SLC7A1: variants seen among roughly 807,000 people sequenced by gnomAD.
SLC7A1 encodes the protein solute carrier family 7 member 1, also known as high affinity cationic amino acid transporter 1.
In SLC7A1, 10 loss-of-function variants were observed where a neutral mutation model predicts 53.9. That is an observed-to-expected ratio of 0.19 (90% CI 0.11 to 0.31). The LOEUF (loss-of-function observed/expected upper bound fraction) is 0.31, where lower values mean the gene tolerates loss of function less well. Ranked by LOEUF, SLC7A1 falls within the 10% of genes least tolerant of loss-of-function variation. The probability of loss-of-function intolerance (pLI) is 1.00; values close to 1 mark genes in which losing one functional copy is unlikely to be tolerated. For synonymous variants in SLC7A1, 342 were observed against 338.7 expected (o/e 1.01, Z -0.11); for missense variants, 525 against 827.2 (o/e 0.63, Z 4.48).
chr13:29,591,805 G>T (rs983824545), intron 1 of SLC7A1, among the ~76,000 whole-genome samples: 2 of 152,166 alleles, frequency 1.3e-5, no homozygotes, highest in Admixed American at 6.6e-5. Context: ...AAACCCCCAG[G>T]TTTCCTCGCG....
Position 29,567,888 on chromosome 13 carries a change from GT to G in SLC7A1, c.-114-14029del, listed in dbSNP as rs1871037277. ...CTCCTGGGCCTAAATCACTAGCTGT[GT>G]TGCTGGAACGTGCATGCCCTTGAGG... On this transcript the variant is annotated intron_variant, in intron 1 of 12. Transcript: ENST00000380752. Among the ~76,000 whole-genome samples, 4 of 152,022 alleles carry G rather than the reference GT, an allele frequency of 2.6e-5. No individual in the cohort carries two copies. The South Asian group carries it at 8.3e-4, about 32-fold the overall frequency.
intron 12 of SLC7A1, among the ~76,000 whole-genome samples, chr13:29,514,798 C>T (rs1326260570): frequency 2.0e-5 from 3 of 152,216 alleles, no homozygotes; most frequent in African/African-American, 4.8e-5. Flanking sequence ...CAAAGCCCTA[C>T]GTTCCTCTGG....
At chr13:29,574,514 C>A (rs617892) in intron 1 of SLC7A1, among the ~76,000 whole-genome samples, 131,575 of 152,234 alleles carry the variant, frequency 0.86, 57,873 homozygotes, top group Middle Eastern at 0.96. Flanking sequence ...CTGTGGAACA[C>A]ATGAATACAT....
intron 5 of SLC7A1, among the ~76,000 whole-genome samples, chr13:29,527,462 G>A (rs1593545111): frequency 6.6e-6 from 1 of 151,668 alleles, no homozygotes; most frequent in African/African-American, 2.4e-5. Context: ...CCAAAACGTA[G>A]AGATATTTAC....
chr13:29,537,716 C>T (rs1424888841), intron 2 of SLC7A1, among the ~76,000 whole-genome samples: 1 of 152,212 alleles, frequency 6.6e-6, no homozygotes, highest in Admixed American at 6.5e-5. Flanking sequence ...TTTTAAAAAT[C>T]TAAGACAAAA....
In SLC7A1 at chr13:29,553,567, T is replaced by C. The variant is rs576117018; in HGVS notation, c.-15+194A>G. On this transcript the variant is annotated intron_variant, in intron 2 of 12. Transcript: ENST00000380752. ...ACAAGCTTGTTTTCTGCTGGGTCAATGGGTCTGGACAGGTAGCCACATGAG... is the reference window on the plus strand; with the variant it reads ...ACAAGCTTGTTTTCTGCTGGGTCAACGGGTCTGGACAGGTAGCCACATGAG... Among the ~76,000 whole-genome samples the C allele has an allele frequency of 1.7e-4, 26 of 152,268 alleles. No individual in the cohort carries two copies. In the South Asian group the frequency reaches 4.6e-3, roughly 27 times the overall value.
At chr13:29,524,083 T>C in intron 6 of SLC7A1, 49 bp downstream of exon 6, 1 of 1,598,742 alleles carries the variant, frequency 6.3e-7, no homozygotes, top group Non-Finnish European at 8.6e-7. Context: ...ATTGGCTTGT[T>C]TGCCCAGGGT....
chr13:29,567,457 C>CA (rs1306263152), intron 1 of SLC7A1, among the ~76,000 whole-genome samples: 2 of 152,082 alleles, frequency 1.3e-5, no homozygotes, highest in Non-Finnish European at 2.9e-5. Context: ...ACTACCAGGG[C>CA]AAAAAAGTCA....
At position 29,516,265 on chromosome 13, in the gene SLC7A1, G is replaced by A. The variant is rs750496655; in HGVS notation, c.1678-19C>T. ...AGGGAACCTGAAGAGACAGGAGGTG[G>A]CTTCAATCCATGGCAGTGGCGCCGG... On this transcript the variant is annotated intron_variant, in intron 11 of 12. Transcript: ENST00000380752. 5 of 1,559,190 alleles carry A rather than the reference G, an allele frequency of 3.2e-6. No homozygotes were observed. In the East Asian group the frequency reaches 1.1e-4, roughly 35 times the overall value.
At chr13:29,540,583 C>T (rs1347936487) in intron 2 of SLC7A1, among the ~76,000 whole-genome samples, 1 of 152,226 alleles carries the variant, frequency 6.6e-6, no homozygotes, top group Non-Finnish European at 1.5e-5. Context: ...ACCACTGATA[C>T]ATTCCAGCTT....
intron 1 of SLC7A1, among the ~76,000 whole-genome samples, chr13:29,576,293 T>TAAAAAAAAAAAAAAAA (rs3069134): frequency 1.7e-4 from 21 of 124,942 alleles, no homozygotes; most frequent in African/African-American, 4.8e-4. Context: ...TCCTGTTTTT[T>TAAAAAAAAAAAAAAAA]AAAAAAAAAA....
At position 29,517,305 on chromosome 13, in the gene SLC7A1, G is replaced by A; in HGVS notation, c.1516C>T (p.Leu506Phe). 1.9e-6 allele frequency: 3 copies of A among 1,609,748 alleles called. No homozygotes were observed. Among genetic ancestry groups the A allele is most frequent in the East Asian group, 2.2e-5 (1 of 44,840 alleles). The change falls in exon 11 of 13, where the codon CTC becomes TTC. Residue 506 changes from leucine (L) to phenylalanine (F), a missense_variant. Transcript: ENST00000380752. ...GTCACAATGCAGAAGGTGATGATGA[G>A]AACAGCTAAGGGGGAAGGAAAAGAC... Reference protein sequence around the residue: ...VNISTSLIAVLIITFCIVTVL... With the variant: ...VNISTSLIAVFIITFCIVTVL...
intron 4 of SLC7A1, 59 bp from the exon 5 acceptor site, chr13:29,530,771 C>A: frequency 2.0e-6 from 3 of 1,469,332 alleles, no homozygotes; most frequent in South Asian, 1.2e-5. Flanking sequence ...CTGGGAAGGT[C>A]CTTCCTGGAT....
chr13:29,538,558 G>A (rs946592513), intron 2 of SLC7A1, among the ~76,000 whole-genome samples: 14 of 152,340 alleles, frequency 9.2e-5, no homozygotes, highest in Admixed American at 2.6e-4. Context: ...GCACTAGGGA[G>A]GAGGAGGAGC....
intron 1 of SLC7A1, among the ~76,000 whole-genome samples, chr13:29,567,715 C>T (rs1384605107): frequency 6.6e-6 from 1 of 152,168 alleles, no homozygotes; most frequent in East Asian, 1.9e-4. Context: ...AAGAAGCCCA[C>T]AAAGACAAAT....
chr13:29,556,674 C>T (rs777305256), intron 1 of SLC7A1, among the ~76,000 whole-genome samples: 11 of 152,202 alleles, frequency 7.2e-5, no homozygotes, highest in Admixed American at 2.0e-4. Flanking sequence ...CCACTGCACC[C>T]GGCCAAAATT....
At chr13:29,524,073 A>G in intron 6 of SLC7A1, 59 bp downstream of exon 6, 10 of 1,573,278 alleles carry the variant, frequency 6.4e-6, no homozygotes, top group Non-Finnish European at 8.7e-6. Flanking sequence ...AATGGCAAGC[A>G]TTGGCTTGTT....
intron 2 of SLC7A1, among the ~76,000 whole-genome samples, chr13:29,542,674 C>A (rs1418145195): frequency 2.1e-5 from 2 of 94,388 alleles, no homozygotes; most frequent in African/African-American, 8.5e-5. Context: ...AGAGGGAGAC[C>A]CTGTTTCAAA....
intron 1 of SLC7A1, among the ~76,000 whole-genome samples, chr13:29,577,499 G>A (rs1010677286): frequency 6.6e-6 from 1 of 152,220 alleles, no homozygotes; most frequent in African/African-American, 2.4e-5. Flanking sequence ...GTGGCTCTGG[G>A]AAGTCCCAAG....
Sources: gnomAD v4.1 joint callset for allele counts (sites outside exome capture counted in the v4.1 genomes callset) on GRCh38, gnomAD v4.1.1 for gene constraint, MANE v1.5 for transcripts, NCBI Gene and HGNC (gene_info 2026-07-23, HGNC 2026-07-21) for gene names.